KIF13B: variants seen among roughly 807,000 people sequenced by gnomAD.
The protein encoded by KIF13B is kinesin family member 13B, also known as kinesin-like protein KIF13B.
A neutral mutation model predicts 222.0 loss-of-function variants in KIF13B; 127 were observed. The ratio of observed to expected loss-of-function variants is 0.57; its 90% confidence interval spans 0.50 to 0.66. The LOEUF (loss-of-function observed/expected upper bound fraction) is 0.66. Ranked by LOEUF, KIF13B falls within the 30% of genes least tolerant of loss-of-function variation. KIF13B has a pLI of 0.00. For missense variants in KIF13B, 2,173 were observed against 2,379.0 expected, an observed-to-expected ratio of 0.91 and a Z score of 1.80; for synonymous variants, 976 against 919.0, an observed-to-expected ratio of 1.06 and a Z score of -1.12.
intron 35 of KIF13B, among the ~76,000 whole-genome samples, chr8:29,103,933 C>T (rs544400712): frequency 3.0e-4 from 45 of 152,288 alleles, no homozygotes; most frequent in African/African-American, 9.1e-4. Context: ...CAGCCCTGCA[C>T]GGAAGGCACC....
chr8:29,178,722 C>A (rs1321039707), intron 8 of KIF13B, among the ~76,000 whole-genome samples: 1 of 147,294 alleles, frequency 6.8e-6, no homozygotes, highest in Non-Finnish European at 1.5e-5. Context: ...AAACAAAGAA[C>A]TTTTTGTTGT....
intron 3 of KIF13B, among the ~76,000 whole-genome samples, chr8:29,193,981 CTT>C (rs59285182): frequency 6.7e-5 from 9 of 134,018 alleles, no homozygotes; most frequent in Non-Finnish European, 8.0e-5. Flanking sequence ...CCACGCCTGG[CTT>C]TTTTTTTTTT....
At chr8:29,129,851 C>T (rs1028585807) in intron 24 of KIF13B, among the ~76,000 whole-genome samples, 1 of 152,190 alleles carries the variant, frequency 6.6e-6, no homozygotes, top group Non-Finnish European at 1.5e-5. Flanking sequence ...TTTAAACATG[C>T]ATCTCTCTTA....
chr8:29,116,238 A>G (rs1809589132), intron 31 of KIF13B, among the ~76,000 whole-genome samples: 1 of 152,154 alleles, frequency 6.6e-6, no homozygotes, highest in Non-Finnish European at 1.5e-5. Flanking sequence ...AAATATACAA[A>G]TCAAAGACTG....
At chr8:29,145,582 G>A (rs1416151997) in intron 18 of KIF13B, among the ~76,000 whole-genome samples, 1 of 151,982 alleles carries the variant, frequency 6.6e-6, no homozygotes, top group Non-Finnish European at 1.5e-5. Flanking sequence ...AGTGACCCAG[G>A]ATCACACCAC....
At chr8:29,203,688 C>T (rs1813799483) in intron 2 of KIF13B, among the ~76,000 whole-genome samples, 1 of 151,856 alleles carries the variant, frequency 6.6e-6, no homozygotes, top group Non-Finnish European at 1.5e-5. Flanking sequence ...GTCAGGAGTT[C>T]GAGACCAGCC....
intron 35 of KIF13B, among the ~76,000 whole-genome samples, chr8:29,106,849 C>T (rs1266072207): frequency 3.9e-5 from 6 of 152,088 alleles, no homozygotes; most frequent in South Asian, 2.1e-4. Context: ...GATTTGAAAA[C>T]GACTCCCTCA....
At chr8:29,173,902 C>A (rs1812362110) in intron 10 of KIF13B, among the ~76,000 whole-genome samples, 1 of 145,640 alleles carries the variant, frequency 6.9e-6, no homozygotes, top group South Asian at 2.2e-4. Context: ...GAGACTGCGC[C>A]ACTACACTCC....
chr8:29,254,374 A>C (rs1367821446), intron 1 of KIF13B, among the ~76,000 whole-genome samples: 1 of 152,252 alleles, frequency 6.6e-6, no homozygotes, highest in Non-Finnish European at 1.5e-5. Flanking sequence ...AAGGGAGTGA[A>C]AAAGAAACCC....
chr8:29,102,860 C>A lies in KIF13B; in HGVS notation c.4216-3619G>T, dbSNP rs1285432241. 5.3e-5 allele frequency among the ~76,000 whole-genome samples: 8 copies of A among 152,196 alleles called. No homozygotes were observed. The East Asian group carries it at 1.5e-3, about 29-fold the overall frequency. On this transcript the variant is annotated intron_variant, in intron 35 of 39. Transcript: ENST00000524189. ...CATGCTATTGACTAATCTTAATTTCCTCAAAAACTCCAATCAAAAGATGAC... is the reference window on the plus strand; with the variant it reads ...CATGCTATTGACTAATCTTAATTTCATCAAAAACTCCAATCAAAAGATGAC...
At chr8:29,126,955 C>T (rs1184410253) in intron 25 of KIF13B, among the ~76,000 whole-genome samples, 167 bp downstream of exon 25, 2 of 152,000 alleles carry the variant, frequency 1.3e-5, no homozygotes, top group African/African-American at 2.4e-5. Flanking sequence ...TAATACAGTC[C>T]GATGCAGTGA....
chr8:29,123,640 C>T (rs919965675), intron 27 of KIF13B, 148 bp from the exon 28 acceptor site: 3 of 1,028,924 alleles, frequency 2.9e-6, no homozygotes, highest in African/African-American at 1.6e-5. Flanking sequence ...CTAGAGAGGT[C>T]AGATGGGCTC....
At chr8:29,221,097 CTTTTTTTTTTTT>C (rs60915605) in intron 2 of KIF13B, among the ~76,000 whole-genome samples, 1 of 112,810 alleles carries the variant, frequency 8.9e-6, no homozygotes, top group Non-Finnish European at 1.7e-5. Flanking sequence ...GAGCTGTGTT[CTTTTTTTTTTTT>C]TTTTTTTTTT....
intron 2 of KIF13B, among the ~76,000 whole-genome samples, chr8:29,204,230 T>C (rs1245230473): frequency 1.3e-5 from 2 of 152,226 alleles, no homozygotes; most frequent in Non-Finnish European, 2.9e-5. Flanking sequence ...TTCATAATCA[T>C]AGGACTTTAG....
At chr8:29,127,854 CAAATT>C (rs1220357686) in intron 24 of KIF13B, among the ~76,000 whole-genome samples, 2 of 151,996 alleles carry the variant, frequency 1.3e-5, no homozygotes, top group Non-Finnish European at 2.9e-5. Flanking sequence ...AAATTAGACA[CAAATT>C]GAATGAATAT....
At chr8:29,126,578 C>T in intron 25 of KIF13B, 67 bp from the exon 26 acceptor site, 1 of 898,046 alleles carries the variant, frequency 1.1e-6, no homozygotes, top group Non-Finnish European at 1.8e-6. Context: ...CTACGCTAAA[C>T]AATCTGACTC....
chr8:29,076,746 C>G (rs1214989755), intron 37 of KIF13B, among the ~76,000 whole-genome samples: 1 of 152,188 alleles, frequency 6.6e-6, no homozygotes, highest in Non-Finnish European at 1.5e-5. Flanking sequence ...TAAGGGGGCA[C>G]TGGCAGGATT....
intron 2 of KIF13B, among the ~76,000 whole-genome samples, chr8:29,236,514 G>A (rs1319895626): frequency 6.6e-6 from 1 of 152,022 alleles, no homozygotes; most frequent in African/African-American, 2.4e-5. Flanking sequence ...TTACATATTC[G>A]ATGATCTTTA....
chr8:29,227,724 G>T (rs570141633), intron 2 of KIF13B, among the ~76,000 whole-genome samples: 1 of 152,236 alleles, frequency 6.6e-6, no homozygotes, highest in South Asian at 2.1e-4. Flanking sequence ...AAAGGTGGCA[G>T]GATCACTTGA....
Sources: gnomAD v4.1 joint callset for allele counts (sites outside exome capture counted in the v4.1 genomes callset) on GRCh38, gnomAD v4.1.1 for gene constraint, MANE v1.5 for transcripts, NCBI Gene and HGNC (gene_info 2026-07-23, HGNC 2026-07-21) for gene names.